Variants in MAPKAP1 observed in about 807,000 individuals in gnomAD.
The protein encoded by MAPKAP1 is target of rapamycin complex 2 subunit MAPKAP1.
A neutral mutation model predicts 65.7 loss-of-function variants in MAPKAP1; 20 were observed. The observed-to-expected ratio is 0.30, with a 90% CI of 0.21 to 0.44. The LOEUF (loss-of-function observed/expected upper bound fraction) is 0.44, where lower values mean the gene tolerates loss of function less well. Among genes scored for constraint, MAPKAP1 ranks in the 20% least tolerant of loss-of-function variants. The pLI, the probability that MAPKAP1 is intolerant of heterozygous loss-of-function variation, is 1.00. For synonymous variants in MAPKAP1, 222 were observed against 244.3 expected (o/e 0.91, Z 0.85); for missense variants, 423 against 648.0 (o/e 0.65, Z 3.77).
At chr9:125,530,578 A>C (rs531113040) in intron 7 of MAPKAP1, among the ~76,000 whole-genome samples, 126 of 152,382 alleles carry the variant, frequency 8.3e-4, no homozygotes, top group African/African-American at 2.8e-3. Flanking sequence ...TCTGATAAAT[A>C]AGGCTTGTGA....
intron 10 of MAPKAP1, among the ~76,000 whole-genome samples, chr9:125,450,223 C>T (rs925724818): frequency 5.9e-5 from 9 of 152,146 alleles, no homozygotes; most frequent in Non-Finnish European, 1.0e-4. Context: ...TGCAGCCCAC[C>T]TTTGCCTAAA....
intron 1 of MAPKAP1, among the ~76,000 whole-genome samples, chr9:125,703,680 G>A (rs1008996864): frequency 4.0e-5 from 6 of 151,006 alleles, no homozygotes; most frequent in South Asian, 2.1e-4. Context: ...GCTGAGGCAA[G>A]AGAATCTCTT....
At chr9:125,594,108 CCCAG>C (rs1832053584) in intron 4 of MAPKAP1, among the ~76,000 whole-genome samples, 1 of 152,200 alleles carries the variant, frequency 6.6e-6, no homozygotes, top group Non-Finnish European at 1.5e-5. Flanking sequence ...TTGCCAACGC[CCCAG>C]TTTAGGCTTC....
At chr9:125,689,354 G>A (rs1431344528) in intron 1 of MAPKAP1, among the ~76,000 whole-genome samples, 1 of 143,898 alleles carries the variant, frequency 6.9e-6, no homozygotes, top group Non-Finnish European at 1.5e-5. Flanking sequence ...GAAGAATGGC[G>A]TGAACCCGGG....
intron 8 of MAPKAP1, among the ~76,000 whole-genome samples, chr9:125,494,159 T>C (rs1246561611): frequency 2.0e-5 from 3 of 152,150 alleles, no homozygotes; most frequent in African/African-American, 7.2e-5. Flanking sequence ...ATCACATTTT[T>C]TTTTCCAGAG....
Position 125,661,488 on chromosome 9 carries a change from A to C in MAPKAP1, c.350-3689T>G, listed in dbSNP as rs549414942. The stretch of plus-strand genomic sequence containing the variant: ...AGAGTATTATGCAGCTGTAAAATGG[A>C]ATGAAGCTTATCTCTATATATTGCT... On this transcript the variant is annotated intron_variant, in intron 3 of 11. Transcript: ENST00000265960. Among the ~76,000 whole-genome samples, 7 of 152,316 alleles carry C rather than the reference A, an allele frequency of 4.6e-5. No homozygotes were observed. In the East Asian group the frequency reaches 1.3e-3, roughly 29 times the overall value.
chr9:125,498,392 TA>T (rs1338593710), intron 8 of MAPKAP1, among the ~76,000 whole-genome samples: 1 of 152,228 alleles, frequency 6.6e-6, no homozygotes, highest in Non-Finnish European at 1.5e-5. Flanking sequence ...ACTGGCTGGA[TA>T]ACTTCGAGCA....
At chr9:125,686,311 C>CA (rs35807247) in intron 1 of MAPKAP1, among the ~76,000 whole-genome samples, 1,097 of 56,516 alleles carry the variant, frequency 0.019, 8 homozygotes, top group African/African-American at 0.034. Context: ...GACTCTGTCT[C>CA]AAAAAAAAAA....
At chr9:125,494,432 A>G (rs548199620) in intron 8 of MAPKAP1, among the ~76,000 whole-genome samples, 1 of 152,228 alleles carries the variant, frequency 6.6e-6, no homozygotes, top group African/African-American at 2.4e-5. Flanking sequence ...TCAGTGCTTA[A>G]TTGATTAAAC....
intron 5 of MAPKAP1, among the ~76,000 whole-genome samples, chr9:125,570,786 T>C (rs1831205124): frequency 6.6e-6 from 1 of 152,132 alleles, no homozygotes; most frequent in Non-Finnish European, 1.5e-5. Context: ...GAAAGGTTTA[T>C]AAAAAGTAAC....
intron 6 of MAPKAP1, among the ~76,000 whole-genome samples, chr9:125,552,964 C>T (rs1830625474): frequency 6.6e-6 from 1 of 152,038 alleles, no homozygotes; most frequent in Non-Finnish European, 1.5e-5. Context: ...ATTATCTATA[C>T]ATATCAATAT....
At chr9:125,528,847 C>CAA (rs61378848) in intron 7 of MAPKAP1, among the ~76,000 whole-genome samples, 27 of 44,114 alleles carry the variant, frequency 6.1e-4, no homozygotes, top group African/African-American at 7.8e-4. Flanking sequence ...GACTCCGTCT[C>CAA]AAAAAAAAAA....
chr9:125,520,511 T>G (rs541612512), intron 7 of MAPKAP1, among the ~76,000 whole-genome samples: 3 of 152,324 alleles, frequency 2.0e-5, no homozygotes, highest in African/African-American at 7.2e-5. Flanking sequence ...TCCCTCTACT[T>G]CACTTCTTTA....
intron 4 of MAPKAP1, among the ~76,000 whole-genome samples, chr9:125,621,049 A>C (rs1169137008): frequency 6.6e-6 from 1 of 152,122 alleles, no homozygotes; most frequent in Admixed American, 6.6e-5. Flanking sequence ...AGGTGGGCAG[A>C]CTGGTTGAGC....
intron 4 of MAPKAP1, among the ~76,000 whole-genome samples, chr9:125,650,114 C>A (rs1833851650): frequency 6.6e-6 from 1 of 152,178 alleles, no homozygotes; most frequent in Non-Finnish European, 1.5e-5. Flanking sequence ...TACTAAATAT[C>A]TCTCGAATTC....
chr9:125,524,066 G>A (rs1481858595), intron 7 of MAPKAP1, among the ~76,000 whole-genome samples: 2 of 152,042 alleles, frequency 1.3e-5, no homozygotes, highest in Non-Finnish European at 2.9e-5. Context: ...ATTTTTTTAC[G>A]TAAGTAAAGA....
At chr9:125,701,502 C>A (rs1261373143) in intron 1 of MAPKAP1, among the ~76,000 whole-genome samples, 2 of 152,180 alleles carry the variant, frequency 1.3e-5, no homozygotes, top group African/African-American at 2.4e-5. Flanking sequence ...GCACTTGCTA[C>A]TAAACTGTGA....
Position 125,484,525 on chromosome 9 carries a change from C to T in MAPKAP1, c.1125G>A (p.Gln375=), listed in dbSNP as rs1170354689. ...EDSQIDIATV[Q]DMLSSHHYKS... ...TGTAATGGTGGCTGCTAAGCATATC[C>T]TGTACTGTGGCTATGTCAATTTGCG... is the stretch of plus-strand genomic sequence containing the variant. The change falls in exon 9 of 12, where the codon CAG becomes CAA. Residue 375 remains glutamine, a synonymous_variant. Coordinates refer to ENST00000265960, the MANE Select transcript of MAPKAP1 (RefSeq NM_001006617.3). 3.1e-6 allele frequency: 5 copies of T among 1,613,048 alleles called. No homozygotes were observed. In the South Asian group the frequency reaches 4.4e-5, roughly 14 times the overall value.
At chr9:125,458,665 C>A (rs1054139740) in intron 10 of MAPKAP1, among the ~76,000 whole-genome samples, 1 of 150,454 alleles carries the variant, frequency 6.6e-6, no homozygotes, top group Admixed American at 6.6e-5. Context: ...TTTTCCCCAC[C>A]CCTCCCCCCT....
Sources: gnomAD v4.1 joint callset for allele counts (sites outside exome capture counted in the v4.1 genomes callset) on GRCh38, gnomAD v4.1.1 for gene constraint, MANE v1.5 for transcripts, NCBI Gene and HGNC (gene_info 2026-07-23, HGNC 2026-07-21) for gene names.